Variants in SCN2A observed in about 807,000 individuals in gnomAD.
The protein encoded by SCN2A is sodium voltage-gated channel alpha subunit 2.
Under a neutral mutation model 188.7 loss-of-function variants are expected in SCN2A, and 20 were observed. The observed-to-expected ratio is 0.11, with a 90% CI of 0.07 to 0.15. The LOEUF is 0.15. Among genes scored for constraint, SCN2A ranks in the 10% least tolerant of loss-of-function variants. The pLI, the probability that SCN2A is intolerant of heterozygous loss-of-function variation, is 1.00. For missense variants in SCN2A, 1,278 were observed against 2,445.0 expected, an observed-to-expected ratio of 0.52 and a Z score of 10.07; for synonymous variants, 804 against 833.1, an observed-to-expected ratio of 0.97 and a Z score of 0.60.
At chr2:165,262,096 A>T (rs947846342) in intron 1 of SCN2A, among the ~76,000 whole-genome samples, 9 of 152,198 alleles carry the variant, frequency 5.9e-5, no homozygotes, top group Admixed American at 2.0e-4. Flanking sequence ...TTTCTTGCCC[A>T]TCTCAAATAA....
chr2:165,365,092 T>G, intron 17 of SCN2A, 51 bp from the exon 18 acceptor site: 22 of 1,538,696 alleles, frequency 1.4e-5, no homozygotes, highest in Non-Finnish European at 2.0e-5. Flanking sequence ...ATTTTTATAT[T>G]TAGATTAAAG....
chr2:165,362,930 G>C (rs1221420008), intron 17 of SCN2A, among the ~76,000 whole-genome samples: 1 of 152,104 alleles, frequency 6.6e-6, no homozygotes, highest in Non-Finnish European at 1.5e-5. Context: ...AAGGAATCAT[G>C]ATTGTTGCAA....
chr2:165,262,665 G>A (rs980290508), intron 1 of SCN2A, among the ~76,000 whole-genome samples: 3 of 151,972 alleles, frequency 2.0e-5, no homozygotes, highest in Non-Finnish European at 2.9e-5. Context: ...GGGCGTTTGG[G>A]CTGGTGCCAT....
At chr2:165,296,321 C>G (rs1042572042) in intron 2 of SCN2A, 1 of 554,454 alleles carries the variant, frequency 1.8e-6, no homozygotes, top group Non-Finnish European at 3.2e-6. Context: ...TCCTCCAGCG[C>G]GGGAATTAAG....
At chr2:165,324,912 T>C (rs1698270897) in intron 12 of SCN2A, among the ~76,000 whole-genome samples, 1 of 152,160 alleles carries the variant, frequency 6.6e-6, no homozygotes, top group African/African-American at 2.4e-5. Context: ...TTAACCAATG[T>C]TTCTCAAAAT....
At chr2:165,362,999 G>A (rs765435007) in intron 17 of SCN2A, among the ~76,000 whole-genome samples, 43 of 152,228 alleles carry the variant, frequency 2.8e-4, no homozygotes, top group Non-Finnish European at 5.4e-4. Context: ...GTCATTTAAA[G>A]TATTGGCAAC....
rs1378094722 is a variant in SCN2A at position 165,326,929 on chromosome 2, T to G, written c.2094T>G (p.Pro698=). 2.5e-6 allele frequency: 4 copies of G among 1,613,902 alleles called. No homozygotes were observed. Among genetic ancestry groups the G allele is most frequent in the Non-Finnish European group, 3.4e-6 (4 of 1,179,926 alleles). Residue 698 remains proline (P), a synonymous_variant, in exon 13 of 27, where the codon CCT becomes CCG. Coordinates refer to ENST00000375437, the MANE Select transcript of SCN2A (RefSeq NM_001040142.2). ...YHVSMDLLED[P]TSRQRAMSIA... is the part of the protein sequence containing the mutation. ...TTTCCATGGATTTATTGGAAGATCC[T>G]ACATCAAGGCAAAGAGCAATGAGTA...
chr2:165,303,344 C>T (rs559674607), intron 3 of SCN2A, among the ~76,000 whole-genome samples: 2 of 143,342 alleles, frequency 1.4e-5, no homozygotes, highest in Admixed American at 7.4e-5. Context: ...AGCGCAATCT[C>T]GGCTCACTGC....
At chr2:165,274,616 C>G (rs1695253292) in intron 1 of SCN2A, among the ~76,000 whole-genome samples, 1 of 152,154 alleles carries the variant, frequency 6.6e-6, no homozygotes, top group Non-Finnish European at 1.5e-5. Context: ...CTACTATTGC[C>G]TAGTTTAAAA....
rs1276036932 is a variant in SCN2A at position 165,259,432 on chromosome 2, G to T, written c.-52+19792G>T. On this transcript the variant is annotated intron_variant, in intron 1 of 26. Coordinates refer to ENST00000375437, the MANE Select transcript of SCN2A (RefSeq NM_001040142.2). Reference sequence around the variant, plus strand: ...TGTTTGATAGCATTTTACCCACAGTGGAACTCCTTTCAAATTGGAGTCAAT... The same window carrying T: ...TGTTTGATAGCATTTTACCCACAGTTGAACTCCTTTCAAATTGGAGTCAAT... Among the ~76,000 whole-genome samples the T allele has an allele frequency of 2.0e-5, 3 of 152,154 alleles. No individual in the cohort carries two copies. In the East Asian group the frequency reaches 5.8e-4, roughly 29 times the overall value.
intron 11 of SCN2A, among the ~76,000 whole-genome samples, chr2:165,317,731 A>C (rs902420378): frequency 2.0e-5 from 3 of 152,064 alleles, no homozygotes; most frequent in Non-Finnish European, 4.4e-5. Flanking sequence ...TTTCCCAGCT[A>C]GTTGGGTATT....
At chr2:165,350,464 CTTTTTTTTTTTT>C (rs71028479) in intron 16 of SCN2A, among the ~76,000 whole-genome samples, 5 of 73,840 alleles carry the variant, frequency 6.8e-5, no homozygotes, top group Admixed American at 1.6e-4. Context: ...TGTTTTCTTT[CTTTTTTTTTTTT>C]TTTTTTTTTT....
chr2:165,265,178 G>A (rs1302858728), intron 1 of SCN2A, among the ~76,000 whole-genome samples: 1 of 151,804 alleles, frequency 6.6e-6, no homozygotes, highest in Middle Eastern at 3.2e-3. Context: ...TGACTGGTGT[G>A]AGATGGTATC....
intron 20 of SCN2A, chr2:165,372,037 A>G (rs1006035944): frequency 2.6e-5 from 4 of 152,162 alleles, no homozygotes; most frequent in African/African-American, 9.7e-5. Context: ...TTTATCTTTC[A>G]TCCTTTAACT....
chr2:165,391,397 A>C lies in SCN2A; in HGVS notation c.*1573A>C, dbSNP rs1574757726. On this transcript the variant is annotated 3_prime_UTR_variant, in exon 27 of 27. Transcript: ENST00000375437. ...TACTGTAAAAAGTTCATTTTATTTT[A>C]TTTTTCAGCCTTTTGTACGTAAAAT... 6.6e-6 allele frequency: 1 copy of C among 152,568 alleles called. No homozygotes were observed. Among genetic ancestry groups the C allele is most frequent in the Admixed American group, 6.6e-5 (1 of 15,252 alleles). 9.5% of individuals were successfully genotyped at this position (152,568 alleles called of 1,614,324 possible).
chr2:165,349,277 T>C (rs1204896863), intron 16 of SCN2A, among the ~76,000 whole-genome samples: 1 of 152,160 alleles, frequency 6.6e-6, no homozygotes, highest in Non-Finnish European at 1.5e-5. Flanking sequence ...TGGGACCAGA[T>C]TGGGTAGAAT....
chr2:165,367,455 A>G, intron 19 of SCN2A, 84 bp downstream of exon 19: 1 of 1,423,618 alleles, frequency 7.0e-7, no homozygotes, highest in East Asian at 2.3e-5. Context: ...ACCCACTTTT[A>G]AATTAAGGTG....
intron 16 of SCN2A, among the ~76,000 whole-genome samples, chr2:165,347,744 A>G (rs1421767874): frequency 6.6e-6 from 1 of 152,234 alleles, no homozygotes; most frequent in East Asian, 1.9e-4. Flanking sequence ...TATGTGTCCA[A>G]AAATATGAAA....
At chr2:165,294,585 A>G (rs889141327) in intron 1 of SCN2A, among the ~76,000 whole-genome samples, 1 of 146,248 alleles carries the variant, frequency 6.8e-6, no homozygotes, top group African/African-American at 2.5e-5. Context: ...CATTTCATAT[A>G]TTTAAATGAC....
Sources: gnomAD v4.1 joint callset for allele counts (sites outside exome capture counted in the v4.1 genomes callset) on GRCh38, gnomAD v4.1.1 for gene constraint, MANE v1.5 for transcripts, NCBI Gene and HGNC (gene_info 2026-07-23, HGNC 2026-07-21) for gene names.